Variants in HAPLN1 observed in about 807,000 individuals in gnomAD.
HAPLN1 encodes the protein Cartilage link protein.
A neutral mutation model predicts 36.5 loss-of-function variants in HAPLN1; 13 were observed. The observed-to-expected ratio is 0.36, with a 90% CI of 0.23 to 0.57. HAPLN1 has a LOEUF of 0.57. HAPLN1 is among the 20% of genes least tolerant of loss of function. HAPLN1 has a pLI of 0.83. For missense variants in HAPLN1, 407 were observed against 439.7 expected, an observed-to-expected ratio of 0.93 and a Z score of 0.66; for synonymous variants, 202 against 169.8, an observed-to-expected ratio of 1.19 and a Z score of -1.48.
chr5:83,698,277 C>T (rs1423506130), intron 1 of HAPLN1, among the ~76,000 whole-genome samples: 6 of 151,300 alleles, frequency 4.0e-5, no homozygotes, highest in Admixed American at 2.6e-4. Flanking sequence ...AGTCTGCTGC[C>T]AGACATACTG....
At chr5:83,712,878 C>A (rs1580167819) in intron 1 of HAPLN1, among the ~76,000 whole-genome samples, 4 of 135,288 alleles carry the variant, frequency 3.0e-5, no homozygotes, top group Admixed American at 7.7e-5. Context: ...GGGAGGAGAA[C>A]CTGGACAAAA....
chr5:83,681,591 C>A (rs1154888), intron 1 of HAPLN1, among the ~76,000 whole-genome samples: 116,579 of 151,852 alleles, frequency 0.77, 44,913 homozygotes, highest in East Asian at 0.83. Context: ...TCTCACTGCA[C>A]CCTCAACCTC....
chr5:83,662,483 T>C (rs1486065046), intron 2 of HAPLN1, among the ~76,000 whole-genome samples: 1 of 152,230 alleles, frequency 6.6e-6, no homozygotes, highest in Non-Finnish European at 1.5e-5. Context: ...TTAATGCTTA[T>C]GTTTTAGACC....
chr5:83,691,499 C>A (rs1313015647), intron 1 of HAPLN1, among the ~76,000 whole-genome samples: 1 of 152,008 alleles, frequency 6.6e-6, no homozygotes, highest in African/African-American at 2.4e-5. Flanking sequence ...TAAGATGAAT[C>A]TTTACTCGCT....
At chr5:83,695,512 T>C (rs1328009870) in intron 1 of HAPLN1, among the ~76,000 whole-genome samples, 1 of 150,844 alleles carries the variant, frequency 6.6e-6, no homozygotes, top group Non-Finnish European at 1.5e-5. Flanking sequence ...ACTAAATAGA[T>C]TTATATATAT....
At chr5:83,647,989 A>G (rs1434672234) in intron 3 of HAPLN1, among the ~76,000 whole-genome samples, 2 of 152,192 alleles carry the variant, frequency 1.3e-5, no homozygotes, top group African/African-American at 4.8e-5. Context: ...GAAGATAAAT[A>G]CAATGGAAGT....
chr5:83,644,611 T>C lies in HAPLN1; in HGVS notation c.527A>G (p.Glu176Gly). The C allele has an allele frequency of 1.3e-6, 2 of 1,513,502 alleles. No individual in the cohort carries two copies. The highest frequency in any genetic ancestry group is 8.9e-7 in the Non-Finnish European group (1 of 1,128,122). The allele number at this position is 1,513,502 out of a possible 1,614,324, so 93.8% of individuals were successfully genotyped here. A position where few individuals can be genotyped will look rare whatever the true frequency, so the allele number is the denominator to read the frequency against. ...RLGRYNLNFH[E>G]AQQACLDQDA... Reference sequence around the variant, plus strand: ...CTGGTCCAGACACGCCTGCTGCGCCTCGTGAAAATTGAGATTGTAGCGCCC... The same window carrying C: ...CTGGTCCAGACACGCCTGCTGCGCCCCGTGAAAATTGAGATTGTAGCGCCC... Residue 176 changes from glutamate to glycine, a missense_variant, in exon 4 of 5, where the codon GAG (glutamate) becomes GGG (glycine). Glu to Gly is a moderately conservative substitution (Grantham distance 98). Coordinates refer to ENST00000274341, the MANE Select transcript of HAPLN1 (RefSeq NM_001884.4).
chr5:83,709,740 C>T (rs749177877), intron 1 of HAPLN1, among the ~76,000 whole-genome samples: 45 of 152,164 alleles, frequency 3.0e-4, no homozygotes, highest in Non-Finnish European at 6.0e-4. Context: ...GACATTGAAG[C>T]ACTTTAAGTG....
Position 83,639,227 on chromosome 5 carries a change from G to C in HAPLN1, c.*2269C>G, listed in dbSNP as rs990033151. Reference sequence around the variant, plus strand: ...GGGCATGGAAATTCTGGTCCTTTGAGCAAAATGAGAAGAAAAAATTCTGCT... The same window carrying C: ...GGGCATGGAAATTCTGGTCCTTTGACCAAAATGAGAAGAAAAAATTCTGCT... On this transcript the variant is annotated 3_prime_UTR_variant, in exon 5 of 5. Coordinates refer to ENST00000274341, the MANE Select transcript of HAPLN1 (RefSeq NM_001884.4). 1.3e-5 allele frequency: 2 copies of C among 152,014 alleles called. No homozygotes were observed. The highest frequency in any genetic ancestry group is 1.3e-4 in the Admixed American group (2 of 15,250). The allele number at this position is 152,014 out of a possible 1,614,324, so 9.4% of individuals were successfully genotyped here. A position where few individuals can be genotyped will look rare whatever the true frequency, so the allele number is the denominator to read the frequency against.
At position 83,682,217 on chromosome 5, in the gene HAPLN1, AC is replaced by A. The variant is rs565773422; in HGVS notation, c.-26-8669del. ...TCTACATGACAGCTTTGGTGCCATC[AC>A]AAATATGTAAAAAGTTTTCTACATA... On this transcript the variant is annotated intron_variant, in intron 1 of 4. Coordinates refer to ENST00000274341, the MANE Select transcript of HAPLN1 (RefSeq NM_001884.4). 31 of 152,344 alleles carry A rather than the reference AC, an allele frequency of 2.0e-4. 3 individuals are homozygous for A. The highest frequency in any genetic ancestry group is 1.5e-3 in the East Asian group (8 of 5,172). The allele number at this position is 152,344 out of a possible 1,614,324, so 9.4% of individuals were successfully genotyped here.
chr5:83,648,885 A>G (rs1384729143), intron 3 of HAPLN1, among the ~76,000 whole-genome samples: 3 of 152,250 alleles, frequency 2.0e-5, no homozygotes, highest in African/African-American at 4.8e-5. Flanking sequence ...ACTCTTATGC[A>G]TATAATCTGC....
chr5:83,701,968 T>C (rs1281798852), intron 1 of HAPLN1, among the ~76,000 whole-genome samples: 1 of 151,228 alleles, frequency 6.6e-6, no homozygotes, highest in Non-Finnish European at 1.5e-5. Flanking sequence ...AAAATCTATA[T>C]GAAGTAATCG....
At chr5:83,650,536 C>CATATGCAT (rs1234051654) in intron 3 of HAPLN1, among the ~76,000 whole-genome samples, 2 of 151,778 alleles carry the variant, frequency 1.3e-5, no homozygotes, top group Non-Finnish European at 2.9e-5. Context: ...TTACTTAGCT[C>CATATGCAT]ATATGCATAT....
chr5:83,649,233 CAATGAAAAGTTA>C (rs1247354457), intron 3 of HAPLN1, among the ~76,000 whole-genome samples: 3 of 151,958 alleles, frequency 2.0e-5, no homozygotes, highest in African/African-American at 4.8e-5. Context: ...AAATTAGCGA[CAATGAAAAGTTA>C]AACATTCTTA....
At chr5:83,671,600 C>A (rs149143807) in intron 2 of HAPLN1, among the ~76,000 whole-genome samples, 109 of 152,278 alleles carry the variant, frequency 7.2e-4, no homozygotes, top group African/African-American at 2.6e-3. Flanking sequence ...CACTTGGAAG[C>A]AGTTTCTCTG....
In HAPLN1 at chr5:83,661,671, C is replaced by G. The variant is rs375766186; in HGVS notation, c.101-8847G>C. 5.7e-4 allele frequency among the ~76,000 whole-genome samples: 87 copies of G among 152,186 alleles called. No homozygotes were observed. The Middle Eastern group carries it at 0.01, about 18-fold the overall frequency. ...GTGTTAGCCGGGATGGTCTCGATCC[C>G]TGACCTCGTGATCCGCCCGCCTCGG... On this transcript the variant is annotated intron_variant, in intron 2 of 4. Coordinates refer to ENST00000274341, the MANE Select transcript of HAPLN1 (RefSeq NM_001884.4).
At chr5:83,700,663 T>A (rs1665560234) in intron 1 of HAPLN1, among the ~76,000 whole-genome samples, 2 of 147,558 alleles carry the variant, frequency 1.4e-5, no homozygotes, top group African/African-American at 5.2e-5. Context: ...TTTTTTTTTT[T>A]ACTTTTAGGC....
Position 83,673,478 on chromosome 5 carries a change from C to T in HAPLN1, c.46G>A (p.Asp16Asn). The T allele has an allele frequency of 6.2e-7, 1 of 1,613,678 alleles. No individual in the cohort carries two copies. The highest frequency in any genetic ancestry group is 8.5e-7 in the Non-Finnish European group (1 of 1,179,830). ...AGAGTATAGTTGTCTGAAAGATGAT[C>T]AGCCCAGCAGATTGAAATCAGCACC... ...LLVLISICWA[D>N]HLSDNYTLDH... Residue 16 changes from aspartate to asparagine, a missense_variant, in exon 2 of 5, where the codon GAT becomes AAT. Coordinates refer to ENST00000274341, the MANE Select transcript of HAPLN1 (RefSeq NM_001884.4).
At chr5:83,694,049 A>G (rs1167643260) in intron 1 of HAPLN1, among the ~76,000 whole-genome samples, 1 of 152,022 alleles carries the variant, frequency 6.6e-6, no homozygotes, top group Non-Finnish European at 1.5e-5. Context: ...ATTCTGGGTC[A>G]TAAGACAATT....
Sources: allele counts gnomAD v4.1 joint callset (sites outside exome capture counted in the v4.1 genomes callset), GRCh38; gene constraint gnomAD v4.1.1; transcripts MANE v1.5; gene names NCBI Gene and HGNC (gene_info 2026-07-23, HGNC 2026-07-21).